The following RPP30 variants were observed in gnomAD, a reference collection of about 807,000 sequenced individuals.
The protein encoded by RPP30 is ribonuclease P protein subunit p30.
Under a neutral mutation model 38.6 loss-of-function variants are expected in RPP30, and 36 were observed. The ratio of observed to expected loss-of-function variants is 0.93; its 90% CI spans 0.71 to 1.23. RPP30 has a LOEUF of 1.23. Ranked by LOEUF, RPP30 falls within the 50% of genes most tolerant of loss-of-function variation. The pLI is 0.00. For missense variants in RPP30, 321 were observed against 321.7 expected (o/e 1.00, Z 0.02); for synonymous variants, 126 against 112.7 (o/e 1.12, Z -0.75).
chr10:90,876,214 A>G lies in RPP30; in HGVS notation c.270+116A>G, dbSNP rs186125008. ...CATTTTCCCTCGCCCCCGCCAAACC[A>G]TGACACCTGCTTGCTCTCCTTGTCC... is the stretch of plus-strand genomic sequence containing the variant. On this transcript the variant is annotated intron_variant, in intron 4 of 10. Coordinates refer to ENST00000371703, the MANE Select transcript of RPP30 (RefSeq NM_006413.5). The G allele has an allele frequency of 2.1e-4, 136 of 638,284 alleles. No homozygotes were observed. The East Asian group carries it at 3.7e-3, about 17-fold the overall frequency. The allele number at this position is 638,284 out of a possible 1,614,324, so 39.5% of individuals were successfully genotyped here.
chr10:90,901,454 T>G lies in RPP30; in HGVS notation c.*775T>G, dbSNP rs1206350697. On this transcript the variant is annotated 3_prime_UTR_variant, in exon 11 of 11. Coordinates refer to ENST00000371703, the MANE Select transcript of RPP30 (RefSeq NM_006413.5). Reference sequence around the variant, plus strand: ...TTTTTTCTAAGAAATTGCTATAGAATTTGTGGAAGGAGAGAGGATACACAT... The same window carrying G: ...TTTTTTCTAAGAAATTGCTATAGAAGTTGTGGAAGGAGAGAGGATACACAT... 1.0e-6 allele frequency: 1 copy of G among 985,120 alleles called. No individual in the cohort carries two copies. Among genetic ancestry groups the G allele is most frequent in the Admixed American group, 6.1e-5 (1 of 16,268 alleles). 61.0% of individuals were successfully genotyped at this position (985,120 alleles called of 1,614,324 possible).
At chr10:90,877,712 A>G (rs927517949) in intron 4 of RPP30, among the ~76,000 whole-genome samples, 3 of 152,212 alleles carry the variant, frequency 2.0e-5, no homozygotes, top group African/African-American at 7.2e-5. Flanking sequence ...GGGATGTGGA[A>G]AAATGCAGAC....
chr10:90,880,122 A>G (rs570480174), intron 5 of RPP30: 17 of 152,192 alleles, frequency 1.1e-4, no homozygotes, highest in African/African-American at 3.9e-4. Flanking sequence ...TGAATAGTCA[A>G]TTAAGATAAC....
intron 4 of RPP30, among the ~76,000 whole-genome samples, chr10:90,876,827 T>TAAGGAGGGTACTTAAGAGGCATC (rs891072228): frequency 6.6e-6 from 1 of 151,926 alleles, no homozygotes; most frequent in Non-Finnish European, 1.5e-5. Context: ...TAGAGGGAGT[T>TAAGGAGGGTACTTAAGAGGCATC]AAGGAGGGTA....
Position 90,887,471 on chromosome 10 carries a change from C to T in RPP30, c.432+1570C>T, listed in dbSNP as rs142975869. 5.4e-3 allele frequency among the ~76,000 whole-genome samples: 825 copies of T among 151,640 alleles called. 8 individuals are homozygous for T. The highest frequency in any genetic ancestry group is 0.019 in the African/African-American group (782 of 41,274). ...GATCTCGGCTCACTTCCACCTCCAC[C>T]TCCCTGGTTCAAGCAATTCTCCTGC... is the stretch of plus-strand genomic sequence containing the variant. On this transcript the variant is annotated intron_variant, in intron 6 of 10. Transcript: ENST00000371703.
intron 5 of RPP30, among the ~76,000 whole-genome samples, chr10:90,884,193 A>C (rs1846969225): frequency 1.3e-5 from 2 of 152,174 alleles, no homozygotes; most frequent in Non-Finnish European, 2.9e-5. Context: ...GAGCCTTTGT[A>C]GGGTATATAG....
Position 90,900,709 on chromosome 10 carries a change from C to T in RPP30, c.*30C>T. On this transcript the variant is annotated 3_prime_UTR_variant, in exon 11 of 11. Coordinates refer to ENST00000371703, the MANE Select transcript of RPP30 (RefSeq NM_006413.5). ...AATGCCCCAGTCTCTGTCAGCACTC[C>T]CTTCTTCCCTTTTATAGTTCATCAG... The T allele has an allele frequency of 6.3e-7, 1 of 1,597,178 alleles. No homozygotes were observed. Among genetic ancestry groups the T allele is most frequent in the Non-Finnish European group, 8.5e-7 (1 of 1,173,936 alleles).
chr10:90,873,285 A>G (rs566025880), intron 1 of RPP30, among the ~76,000 whole-genome samples: 4 of 152,322 alleles, frequency 2.6e-5, no homozygotes, highest in Admixed American at 2.6e-4. Context: ...CCAGTTTAAA[A>G]TACACTTGGA....
In RPP30 at chr10:90,901,140, ATTTTT is replaced by A. The variant is rs59418716; in HGVS notation, c.*479_*483del. On this transcript the variant is annotated 3_prime_UTR_variant, in exon 11 of 11. Transcript: ENST00000371703. Reference sequence around the variant, plus strand: ...CAGGTGTGCACTACCACACCTGGCTATTTTTTTTTTTTTTTTTTTTTTCCCTTGTA... The same window carrying A: ...CAGGTGTGCACTACCACACCTGGCTATTTTTTTTTTTTTTTTTCCCTTGTA... 13 of 119,732 alleles carry A rather than the reference ATTTTT, an allele frequency of 1.1e-4. No homozygotes were observed. Among genetic ancestry groups the A allele is most frequent in the Non-Finnish European group, 1.7e-4 (11 of 65,262 alleles). The allele number at this position is 119,732 out of a possible 1,614,324, so 7.4% of individuals were successfully genotyped here.
At chr10:90,876,404 G>A (rs1846852950) in intron 4 of RPP30, among the ~76,000 whole-genome samples, 1 of 152,146 alleles carries the variant, frequency 6.6e-6, no homozygotes, top group Admixed American at 6.5e-5. Context: ...CACAATCCTT[G>A]AACTTATAAA....
At chr10:90,880,598 C>T (rs976362258) in intron 5 of RPP30, among the ~76,000 whole-genome samples, 19 of 152,008 alleles carry the variant, frequency 1.2e-4, no homozygotes, top group African/African-American at 3.9e-4. Context: ...CATGGTGGCA[C>T]GCTCGCAGCT....
rs1251357829 is a variant in RPP30 at position 90,901,234 on chromosome 10, G to A, written c.*555G>A. On this transcript the variant is annotated 3_prime_UTR_variant, in exon 11 of 11. Coordinates refer to ENST00000371703, the MANE Select transcript of RPP30 (RefSeq NM_006413.5). ...ACTCCTAGGATCAAGCCATCCTCCC[G>A]CTTTGGCCTCCTAAAGTGCTGGGAT... 1.8e-5 allele frequency: 16 copies of A among 868,438 alleles called. No homozygotes were observed. In the South Asian group the frequency reaches 5.9e-4, roughly 32 times the overall value. The allele number at this position is 868,438 out of a possible 1,614,324, so 53.8% of individuals were successfully genotyped here. A position where few individuals can be genotyped will look rare whatever the true frequency, so the allele number is the denominator to read the frequency against.
At chr10:90,879,039 A>G (rs768963585) in intron 4 of RPP30, 24 bp from the exon 5 acceptor site, 3 of 1,600,442 alleles carry the variant, frequency 1.9e-6, no homozygotes, top group South Asian at 2.2e-5. Flanking sequence ...TTATTGTATG[A>G]TAACATTCTT....
At chr10:90,887,981 A>T (rs1847022741) in intron 6 of RPP30, among the ~76,000 whole-genome samples, 1 of 152,184 alleles carries the variant, frequency 6.6e-6, no homozygotes, top group Non-Finnish European at 1.5e-5. Context: ...AAAGCCACAA[A>T]TTAATACAGT....
chr10:90,876,692 A>C (rs1032910418), intron 4 of RPP30, among the ~76,000 whole-genome samples: 2 of 152,214 alleles, frequency 1.3e-5, no homozygotes, highest in African/African-American at 4.8e-5. Context: ...GGCTAAGCCT[A>C]GTGAGCCGGT....
chr10:90,901,694 A>G lies in RPP30; in HGVS notation c.*1015A>G, dbSNP rs1847205060. 1 of 984,240 alleles carries G rather than the reference A, an allele frequency of 1.0e-6. No homozygotes were observed. Among genetic ancestry groups the G allele is most frequent in the Non-Finnish European group, 1.2e-6 (1 of 828,942 alleles). The allele number at this position is 984,240 out of a possible 1,614,324, so 61.0% of individuals were successfully genotyped here. A position where few individuals can be genotyped will look rare whatever the true frequency, so the allele number is the denominator to read the frequency against. ...TAAGTAGAAGTAGCTTTTTATGCAA[A>G]TACATGCATTTATGCAATATTAATG... On this transcript the variant is annotated 3_prime_UTR_variant, in exon 11 of 11. Transcript: ENST00000371703.
At chr10:90,898,499 C>T (rs1847168059) in intron 10 of RPP30, among the ~76,000 whole-genome samples, 3 of 152,070 alleles carry the variant, frequency 2.0e-5, no homozygotes, top group South Asian at 4.1e-4. Context: ...TTCAAAGCCT[C>T]GTTATTATAC....
chr10:90,886,003 C>T (rs1846995961), intron 6 of RPP30, 102 bp downstream of exon 6: 2 of 727,154 alleles, frequency 2.8e-6, no homozygotes, highest in East Asian at 5.9e-5. Flanking sequence ...AAAACAAAGG[C>T]TAGGGAATAG....
At chr10:90,891,640 A>G (rs562225653) in intron 6 of RPP30, among the ~76,000 whole-genome samples, 1 of 152,302 alleles carries the variant, frequency 6.6e-6, no homozygotes, top group East Asian at 1.9e-4. Context: ...ATACTCTACA[A>G]CTGTAAAACA....
Sources: allele counts gnomAD v4.1 joint callset (sites outside exome capture counted in the v4.1 genomes callset), GRCh38; gene constraint gnomAD v4.1.1; transcripts MANE v1.5; gene names NCBI Gene and HGNC (gene_info 2026-07-23, HGNC 2026-07-21).